The following KLF8 variants were observed in gnomAD, a reference collection of about 807,000 sequenced individuals.
The protein encoded by KLF8 is KLF transcription factor 8, also known as Krueppel-like factor 8.
Under a neutral mutation model 18.2 loss-of-function variants are expected in KLF8, and 10 were observed. That is an observed-to-expected ratio of 0.55 (90% CI 0.34 to 0.93). The LOEUF (loss-of-function observed/expected upper bound fraction) is 0.93, where lower values mean the gene tolerates loss of function less well. Ranked by LOEUF, KLF8 falls within the 40% of genes least tolerant of loss-of-function variation. The pLI is 0.02. For synonymous variants in KLF8, 109 were observed against 97.3 expected, an observed-to-expected ratio of 1.12 and a Z score of -0.71; for missense variants, 264 against 277.9, an observed-to-expected ratio of 0.95 and a Z score of 0.36.
At chrX:56,259,525 G>T (rs1196499897) in intron 2 of KLF8, among the ~76,000 whole-genome samples, 1 of 110,144 alleles carries the variant, frequency 9.1e-6, no homozygotes, top group African/African-American at 3.3e-5. Flanking sequence ...TTTTCTTAGG[G>T]TTCAAATTCC....
At chrX:56,266,979 CA>C in intron 3 of KLF8, 1 of 752,630 alleles carries the variant, frequency 1.3e-6, no homozygotes, top group South Asian at 6.8e-5. Flanking sequence ...ATGTGATATC[CA>C]TTCCATATAT....
the KLF8 span, among the ~76,000 whole-genome samples, chrX:56,055,673 C>A: frequency 8.9e-6 from 1 of 111,981 alleles, no homozygotes; most frequent in Non-Finnish European, 1.9e-5. Context: ...AAGTTGTTTA[C>A]ACTCTCTCCA....
chrX:56,023,712 A>C, the KLF8 span, among the ~76,000 whole-genome samples: 10 of 111,031 alleles, frequency 9.0e-5, no homozygotes, highest in East Asian at 2.5e-3. Flanking sequence ...AGTTCTAAAA[A>C]TGTTGATTTT....
At chrX:56,065,009 G>A in the KLF8 span, among the ~76,000 whole-genome samples, 1 of 111,337 alleles carries the variant, frequency 9.0e-6, no homozygotes, top group Admixed American at 9.6e-5. Context: ...TGCATTTTTG[G>A]GGGTTTTTAG....
the KLF8 span, among the ~76,000 whole-genome samples, chrX:56,034,868 G>T: frequency 9.1e-4 from 89 of 98,016 alleles, no homozygotes; most frequent in Non-Finnish European, 1.7e-3. Flanking sequence ...CCATTCTCCT[G>T]CCTCAGCCTC....
chrX:56,001,443 C>T, the KLF8 span, among the ~76,000 whole-genome samples: 1 of 112,178 alleles, frequency 8.9e-6, no homozygotes, highest in Non-Finnish European at 1.9e-5. Flanking sequence ...AGACCCTACT[C>T]ACTGGTTCTT....
the KLF8 span, among the ~76,000 whole-genome samples, chrX:56,147,223 A>G: frequency 1.1e-4 from 12 of 112,174 alleles, no homozygotes; most frequent in East Asian, 8.4e-4. Context: ...TAAGGCTTGG[A>G]ACTGCTGCTA....
chrX:55,940,630 C>T, the KLF8 span, among the ~76,000 whole-genome samples: 1 of 111,623 alleles, frequency 9.0e-6, no homozygotes, highest in Non-Finnish European at 1.9e-5. Context: ...TAGAAAACCC[C>T]ATTGTCTCAG....
the KLF8 span, among the ~76,000 whole-genome samples, chrX:56,204,854 A>T: frequency 9.1e-6 from 1 of 110,234 alleles, no homozygotes; most frequent in Non-Finnish European, 1.9e-5. Context: ...GAGAGCACTG[A>T]TCTGTTTCAT....
chrX:56,088,494 G>A, the KLF8 span, among the ~76,000 whole-genome samples: 8 of 111,511 alleles, frequency 7.2e-5, no homozygotes, highest in Non-Finnish European at 1.5e-4. Context: ...AAGGATATAT[G>A]TGCCACCTTA....
chrX:56,057,204 T>C, the KLF8 span, among the ~76,000 whole-genome samples: 57 of 111,679 alleles, frequency 5.1e-4, no homozygotes, highest in African/African-American at 1.8e-3. Context: ...GCCACAGATA[T>C]GGGTGGTTGC....
the KLF8 span, among the ~76,000 whole-genome samples, chrX:56,221,353 A>G: frequency 9.0e-6 from 1 of 111,554 alleles, no homozygotes; most frequent in African/African-American, 3.3e-5. Context: ...TGCAAAAAGG[A>G]TTTTCATTTG....
chrX:56,268,864 T>C, intron 3 of KLF8: 1 of 890,690 alleles, frequency 1.1e-6, no homozygotes. Flanking sequence ...ATCAAGCACC[T>C]ACTAGGTGGT....
the KLF8 span, among the ~76,000 whole-genome samples, chrX:55,988,555 G>A: frequency 1.4e-4 from 16 of 110,827 alleles, no homozygotes; most frequent in Non-Finnish European, 2.1e-4. Flanking sequence ...TGTTCCATTG[G>A]TCTATATCTC....
the KLF8 span, among the ~76,000 whole-genome samples, chrX:56,019,523 T>C: frequency 8.9e-6 from 1 of 112,744 alleles, no homozygotes; most frequent in Admixed American, 9.4e-5. Context: ...TGCAAAGACC[T>C]ATGTTTTGGA....
At chrX:55,991,900 T>C in the KLF8 span, among the ~76,000 whole-genome samples, 1 of 112,707 alleles carries the variant, frequency 8.9e-6, no homozygotes, top group African/African-American at 3.2e-5. Context: ...CTTGTATGTC[T>C]TCTTATGAGA....
the KLF8 span, among the ~76,000 whole-genome samples, chrX:56,070,069 C>T: frequency 5.3e-5 from 6 of 112,174 alleles, no homozygotes; most frequent in South Asian, 3.7e-4. Context: ...TACTATGCAG[C>T]CATAAAAAAG....
the KLF8 span, among the ~76,000 whole-genome samples, chrX:55,955,559 T>TG: frequency 2.7e-5 from 3 of 111,629 alleles, no homozygotes; most frequent in Non-Finnish European, 5.7e-5. Flanking sequence ...GCCATGTTTC[T>TG]GGGGTATAAA....
the KLF8 span, among the ~76,000 whole-genome samples, chrX:55,967,457 T>G: frequency 1.2e-4 from 13 of 109,440 alleles, no homozygotes; most frequent in Non-Finnish European, 2.5e-4. Flanking sequence ...AAGAGTGGCA[T>G]GTATTTAAAG....
Sources: allele counts gnomAD v4.1 joint callset (sites outside exome capture counted in the v4.1 genomes callset), GRCh38; gene constraint gnomAD v4.1.1; transcripts MANE v1.5; gene names NCBI Gene and HGNC (gene_info 2026-07-23, HGNC 2026-07-21).